Variants in SYT9 observed in about 807,000 individuals in gnomAD.
SYT9 encodes synaptotagmin 9.
SYT9 carries 22 observed loss-of-function variants against 48.4 expected under a neutral mutation model. That is an observed-to-expected ratio of 0.45 (90% CI 0.32 to 0.65). SYT9 has a LOEUF of 0.65. Among genes scored for constraint, SYT9 ranks in the 30% least tolerant of loss-of-function variants. The pLI is 0.03. For missense variants in SYT9, 577 were observed against 622.0 expected (o/e 0.93, Z 0.77); for synonymous variants, 265 against 245.0 (o/e 1.08, Z -0.76).
At chr11:7,368,552 T>C (rs1850294222) in intron 3 of SYT9, among the ~76,000 whole-genome samples, 1 of 152,170 alleles carries the variant, frequency 6.6e-6, no homozygotes, top group African/African-American at 2.4e-5. Flanking sequence ...TGTGTGATAT[T>C]CCCCTCCCTG....
intron 3 of SYT9, among the ~76,000 whole-genome samples, chr11:7,401,101 C>G (rs1423295248): frequency 6.6e-6 from 1 of 151,970 alleles, no homozygotes; most frequent in African/African-American, 2.4e-5. Context: ...TGCCAAACCA[C>G]CACAGATTTT....
Position 7,459,440 on chromosome 11 carries a change from G to C in SYT9, c.1468-7352G>C, listed in dbSNP as rs544601484. On this transcript the variant is annotated intron_variant, in intron 6 of 6. Transcript: ENST00000318881. ...TGAGAAGGAGCAAGTCATTGAAGTAGTAAGAAAACCAAGAGGGTTTGGTAT... is the reference window on the plus strand; with the variant it reads ...TGAGAAGGAGCAAGTCATTGAAGTACTAAGAAAACCAAGAGGGTTTGGTAT... Among the ~76,000 whole-genome samples, 12 of 152,320 alleles carry C rather than the reference G, an allele frequency of 7.9e-5. No homozygotes were observed. In the South Asian group the frequency reaches 2.5e-3, roughly 32 times the overall value.
intron 1 of SYT9, among the ~76,000 whole-genome samples, chr11:7,287,048 C>T (rs10769776): frequency 0.78 from 118,857 of 152,096 alleles, 47,041 homozygotes; most frequent in South Asian, 0.88. Context: ...ACCAATTTAC[C>T]GTGATAGTCC....
intron 3 of SYT9, among the ~76,000 whole-genome samples, chr11:7,398,211 C>A (rs1256989986): frequency 1.3e-5 from 2 of 152,168 alleles, no homozygotes; most frequent in South Asian, 4.2e-4. Context: ...TGCCTCTATT[C>A]ATGTTTTTTT....
At position 7,355,032 on chromosome 11, in the gene SYT9, G is replaced by T. The variant is rs141519184; in HGVS notation, c.1044+41091G>T. Among the ~76,000 whole-genome samples the T allele has an allele frequency of 2.4e-3, 364 of 152,246 alleles. 2 individuals are homozygous for T. Among genetic ancestry groups the T allele is most frequent in the African/African-American group, 8.2e-3 (341 of 41,542 alleles). ...GGACTAGTACCTGTAATAGAGAAGG[G>T]ATTTTCGATACACATTAATTATTAT... On this transcript the variant is annotated intron_variant, in intron 3 of 6. Coordinates refer to ENST00000318881, the MANE Select transcript of SYT9 (RefSeq NM_175733.4).
intron 6 of SYT9, among the ~76,000 whole-genome samples, chr11:7,449,344 AAAAAAAT>A (rs1472002862): frequency 5.4e-5 from 8 of 149,510 alleles, no homozygotes; most frequent in African/African-American, 2.0e-4. Context: ...AAAAAAAAAA[AAAAAAAT>A]GGAGCAAAAG....
chr11:7,300,568 C>T (rs1278135145), intron 1 of SYT9, among the ~76,000 whole-genome samples: 1 of 152,230 alleles, frequency 6.6e-6, no homozygotes, highest in Admixed American at 6.5e-5. Context: ...CCTTCTCCAG[C>T]CTTTGCTGGT....
chr11:7,266,775 C>T (rs1187588497), intron 1 of SYT9, among the ~76,000 whole-genome samples: 1 of 151,892 alleles, frequency 6.6e-6, no homozygotes, highest in Non-Finnish European at 1.5e-5. Context: ...GCAGTGGTGT[C>T]CCATAGTGCT....
At chr11:7,429,910 A>C (rs1344821661) in intron 6 of SYT9, among the ~76,000 whole-genome samples, 1 of 152,216 alleles carries the variant, frequency 6.6e-6, no homozygotes, top group Non-Finnish European at 1.5e-5. Flanking sequence ...TTTTGCATTT[A>C]TATGTTATTC....
chr11:7,375,667 T>C (rs1166700430), intron 3 of SYT9, among the ~76,000 whole-genome samples: 1 of 152,214 alleles, frequency 6.6e-6, no homozygotes, highest in Non-Finnish European at 1.5e-5. Context: ...TATTTTGTTC[T>C]CTTTGTAGCA....
intron 1 of SYT9, among the ~76,000 whole-genome samples, chr11:7,277,063 AAAACAAAC>A (rs139673466): frequency 3.3e-5 from 5 of 151,430 alleles, no homozygotes; most frequent in South Asian, 2.1e-4. Flanking sequence ...CAAAAAACAA[AAAACAAAC>A]AAACAAACAA....
chr11:7,342,654 C>G (rs1849734018), intron 3 of SYT9, among the ~76,000 whole-genome samples: 1 of 152,190 alleles, frequency 6.6e-6, no homozygotes, highest in South Asian at 2.1e-4. Flanking sequence ...GTGCACAGTG[C>G]AAGCTGTAGG....
At chr11:7,449,975 T>A (rs894902885) in intron 6 of SYT9, among the ~76,000 whole-genome samples, 2 of 152,160 alleles carry the variant, frequency 1.3e-5, no homozygotes, top group Non-Finnish European at 2.9e-5. Context: ...TTCTCCCCGA[T>A]GCCAGTCATT....
At chr11:7,318,981 A>G (rs1476163699) in intron 3 of SYT9, among the ~76,000 whole-genome samples, 6 of 152,082 alleles carry the variant, frequency 3.9e-5, no homozygotes, top group Non-Finnish European at 7.4e-5. Context: ...TGCTTTATAA[A>G]GTTAGTTTGG....
Position 7,336,262 on chromosome 11 carries a change from T to C in SYT9, c.1044+22321T>C, listed in dbSNP as rs1849629041. 3.3e-5 allele frequency among the ~76,000 whole-genome samples: 5 copies of C among 152,228 alleles called. No homozygotes were observed. In the South Asian group the frequency reaches 1.0e-3, roughly 32 times the overall value. On this transcript the variant is annotated intron_variant, in intron 3 of 6. Transcript: ENST00000318881. ...TTAGACCTTTGTTAGATGCATAGTT[T>C]GCAAGGATTTTCTCCTGTTCTGTAG...
chr11:7,447,312 T>A (rs1408635930), intron 6 of SYT9, among the ~76,000 whole-genome samples: 1 of 152,158 alleles, frequency 6.6e-6, no homozygotes, highest in Non-Finnish European at 1.5e-5. Flanking sequence ...CCAAGTTCCT[T>A]AGAGGGCACA....
At chr11:7,364,306 A>T (rs931379) in intron 3 of SYT9, among the ~76,000 whole-genome samples, 1 of 152,172 alleles carries the variant, frequency 6.6e-6, no homozygotes, top group East Asian at 1.9e-4. Flanking sequence ...TGTTTTCTAC[A>T]TGAAGTCAGA....
intron 3 of SYT9, among the ~76,000 whole-genome samples, chr11:7,348,935 C>T (rs1032561226): frequency 6.6e-6 from 1 of 151,854 alleles, no homozygotes; most frequent in African/African-American, 2.4e-5. Context: ...GAACTCCTCA[C>T]GCTGAGGAGG....
intron 3 of SYT9, among the ~76,000 whole-genome samples, chr11:7,338,776 G>A (rs1028454062): frequency 1.4e-4 from 22 of 151,980 alleles, no homozygotes; most frequent in Middle Eastern, 3.4e-3. Context: ...TCGTGTGCTC[G>A]ATTTGAGTAT....
Sources: allele counts gnomAD v4.1 joint callset (sites outside exome capture counted in the v4.1 genomes callset), GRCh38; gene constraint gnomAD v4.1.1; transcripts MANE v1.5; gene names NCBI Gene and HGNC (gene_info 2026-07-23, HGNC 2026-07-21).